The following LPP variants were observed in gnomAD, a reference collection of about 807,000 sequenced individuals.
LPP encodes the protein LIM domain containing preferred translocation partner in lipoma, also known as lipoma-preferred partner.
Under a neutral mutation model 60.4 loss-of-function variants are expected in LPP, and 38 were observed. The observed-to-expected ratio is 0.63, with a 90% confidence interval of 0.49 to 0.83. LPP has a LOEUF of 0.83. LPP is among the 40% of genes least tolerant of loss of function. The pLI, the probability that LPP is intolerant of heterozygous loss-of-function variation, is 0.00. For synonymous variants in LPP, 328 were observed against 290.8 expected (o/e 1.13, Z -1.30); for missense variants, 902 against 783.6 (o/e 1.15, Z -1.80).
intron 1 of LPP, among the ~76,000 whole-genome samples, chr3:188,202,222 C>T (rs1731282020): frequency 6.6e-6 from 1 of 152,042 alleles, no homozygotes; most frequent in African/African-American, 2.4e-5. Context: ...TGAATGAATG[C>T]CTCAAACTGT....
chr3:188,304,757 T>C (rs1750983507), intron 2 of LPP, among the ~76,000 whole-genome samples: 1 of 152,198 alleles, frequency 6.6e-6, no homozygotes, highest in African/African-American at 2.4e-5. Context: ...TTTGCAGTTA[T>C]ATTGTCAGAA....
chr3:188,203,444 TATAA>T (rs1225112847), intron 1 of LPP, among the ~76,000 whole-genome samples: 5 of 90,728 alleles, frequency 5.5e-5, no homozygotes, highest in African/African-American at 2.3e-4. Flanking sequence ...TATATATTTA[TATAA>T]ATATATATAA....
upstream of LPP, chr3:188,153,798 A>T (rs1353500767): frequency 1.4e-5 from 2 of 143,968 alleles, no homozygotes. Context: ...AAAGTCAGGA[A>T]TTCAGGCCCC....
intron 8 of LPP, among the ~76,000 whole-genome samples, chr3:188,717,406 G>A (rs1176786490): frequency 6.6e-6 from 1 of 152,202 alleles, no homozygotes; most frequent in Non-Finnish European, 1.5e-5. Context: ...GGTTTCCAAA[G>A]TGCTTCTATC....
Position 188,877,644 on chromosome 3 carries a change from G to T in LPP, c.*3165G>T. 5.4e-6 allele frequency: 1 copy of T among 186,460 alleles called. No individual in the cohort carries two copies. Among genetic ancestry groups the T allele is most frequent in the Non-Finnish European group, 1.1e-5 (1 of 88,156 alleles). The allele number at this position is 186,460 out of a possible 1,614,324, so 11.6% of individuals were successfully genotyped here. A position where few individuals can be genotyped will look rare whatever the true frequency, so the allele number is the denominator to read the frequency against. On this transcript the variant is annotated 3_prime_UTR_variant, in exon 12 of 12. Transcript: ENST00000617246. ...GAGGATTGCCTGAGGCCAGGAGTTT[G>T]ACACCAGCCTGGGCAACATAGTGAG...
intron 2 of LPP, among the ~76,000 whole-genome samples, chr3:188,253,162 A>G (rs573208370): frequency 3.4e-5 from 5 of 149,108 alleles, no homozygotes; most frequent in East Asian, 2.0e-4. Context: ...CCTTTCATCT[A>G]TGAAGTATAT....
chr3:188,241,137 A>T (rs748828398), intron 2 of LPP, among the ~76,000 whole-genome samples: 1 of 152,292 alleles, frequency 6.6e-6, no homozygotes, highest in South Asian at 2.1e-4. Flanking sequence ...CAAGAATGAT[A>T]AGTGGTCATG....
At chr3:188,722,200 T>A (rs1368386853) in intron 8 of LPP, among the ~76,000 whole-genome samples, 2 of 152,220 alleles carry the variant, frequency 1.3e-5, no homozygotes, top group African/African-American at 4.8e-5. Flanking sequence ...GAATAGGATG[T>A]TGAATATGAT....
intron 1 of LPP, among the ~76,000 whole-genome samples, chr3:188,187,389 A>AT (rs1726913134): frequency 6.6e-6 from 1 of 151,488 alleles, no homozygotes; most frequent in Non-Finnish European, 1.5e-5. Flanking sequence ...GATGATTGTA[A>AT]TTTTTTCTGT....
intron 4 of LPP, among the ~76,000 whole-genome samples, chr3:188,447,780 G>T (rs1477405535): frequency 6.9e-6 from 1 of 145,950 alleles, no homozygotes; most frequent in African/African-American, 2.5e-5. Context: ...CATCTTAGAA[G>T]AAAAAAAAAA....
At chr3:188,250,354 G>A (rs564355804) in intron 2 of LPP, among the ~76,000 whole-genome samples, 1 of 152,294 alleles carries the variant, frequency 6.6e-6, no homozygotes, top group Admixed American at 6.5e-5. Context: ...ATATTACAAA[G>A]ATAATGTGTC....
At chr3:188,450,472 C>T (rs774680790) in intron 4 of LPP, among the ~76,000 whole-genome samples, 6 of 151,978 alleles carry the variant, frequency 3.9e-5, no homozygotes, top group African/African-American at 1.2e-4. Flanking sequence ...AGGCCTGGTG[C>T]GGTGGCTCAC....
Position 188,887,047 on chromosome 3 carries a change from G to C in LPP, c.*12568G>C. 1 of 230,874 alleles carries C rather than the reference G, an allele frequency of 4.3e-6. No homozygotes were observed. Among genetic ancestry groups the C allele is most frequent in the African/African-American group, 2.2e-5 (1 of 45,298 alleles). The allele number at this position is 230,874 out of a possible 1,614,324, so 14.3% of individuals were successfully genotyped here. On this transcript the variant is annotated 3_prime_UTR_variant, in exon 12 of 12. Coordinates refer to ENST00000617246, the MANE Select transcript of LPP (RefSeq NM_001375462.1). ...TAAAGAACTATTCTTGGTCATTATT[G>C]ATGTATTGTGTTGCCACTTTGTATG...
chr3:188,670,642 G>A (rs897287178), intron 7 of LPP, among the ~76,000 whole-genome samples: 37 of 152,106 alleles, frequency 2.4e-4, no homozygotes, highest in African/African-American at 7.2e-4. Context: ...TGGCACGCAC[G>A]TTACTTCCTC....
intron 6 of LPP, among the ~76,000 whole-genome samples, chr3:188,537,274 G>A (rs534183576): frequency 6.6e-6 from 1 of 151,962 alleles, no homozygotes; most frequent in East Asian, 1.9e-4. Context: ...TGAAGGAAGA[G>A]TGGATAGAGA....
chr3:188,395,942 TAAA>T (rs869036771), intron 3 of LPP, among the ~76,000 whole-genome samples: 2 of 121,362 alleles, frequency 1.6e-5, no homozygotes, highest in Non-Finnish European at 3.6e-5. Context: ...ATAATAATAA[TAAA>T]AATAAACAAA....
At chr3:188,418,844 G>A (rs1040216732) in intron 4 of LPP, among the ~76,000 whole-genome samples, 4 of 152,094 alleles carry the variant, frequency 2.6e-5, no homozygotes, top group African/African-American at 9.7e-5. Context: ...TAGTTCAGTT[G>A]AATTGTGTCA....
intron 6 of LPP, chr3:188,554,033 A>G (rs550384133): frequency 6.6e-6 from 1 of 152,196 alleles, no homozygotes; most frequent in Non-Finnish European, 1.5e-5. Context: ...TCTATTGCTT[A>G]TGAGAAAACA....
intron 1 of LPP, among the ~76,000 whole-genome samples, chr3:188,191,730 C>A (rs781035513): frequency 2.0e-5 from 3 of 152,188 alleles, no homozygotes; most frequent in African/African-American, 7.2e-5. Flanking sequence ...GCTACGAGCT[C>A]ACTGTAGCTG....
Sources: gnomAD v4.1 joint callset for allele counts (sites outside exome capture counted in the v4.1 genomes callset) on GRCh38, gnomAD v4.1.1 for gene constraint, MANE v1.5 for transcripts, NCBI Gene and HGNC (gene_info 2026-07-23, HGNC 2026-07-21) for gene names.